The following CDH18 variants were observed in gnomAD, a reference collection of about 807,000 sequenced individuals.
The protein encoded by CDH18 is cadherin-18.
In CDH18, 31 loss-of-function variants were observed where a neutral mutation model predicts 67.9. The observed-to-expected ratio is 0.46, with a 90% CI of 0.34 to 0.62. The LOEUF is 0.62. CDH18 is among the 20% of genes least tolerant of loss of function. The pLI, the probability that CDH18 is intolerant of heterozygous loss-of-function variation, is 0.01. For synonymous variants in CDH18, 362 were observed against 347.2 expected (o/e 1.04, Z -0.48); for missense variants, 890 against 975.5 (o/e 0.91, Z 1.17).
At chr5:19,951,841 T>A (rs1795821329) in intron 2 of CDH18, among the ~76,000 whole-genome samples, 1 of 152,124 alleles carries the variant, frequency 6.6e-6, no homozygotes, top group Non-Finnish European at 1.5e-5. Context: ...CAGATGGTTA[T>A]AAATATTTAG....
chr5:20,293,054 C>T (rs10052278), intron 1 of CDH18, among the ~76,000 whole-genome samples: 16,379 of 152,074 alleles, frequency 0.11, 1,259 homozygotes, highest in African/African-American at 0.21. Context: ...CGGTGGCTCA[C>T]GCCTGTAATC....
At chr5:20,142,292 A>T (rs977777532) in intron 2 of CDH18, among the ~76,000 whole-genome samples, 2 of 152,226 alleles carry the variant, frequency 1.3e-5, no homozygotes, top group South Asian at 2.1e-4. Flanking sequence ...CCAAAAAGCT[A>T]ATCCAGCCCA....
intron 5 of CDH18, among the ~76,000 whole-genome samples, chr5:19,645,672 G>C (rs1424277545): frequency 6.6e-6 from 1 of 152,122 alleles, no homozygotes; most frequent in Non-Finnish European, 1.5e-5. Context: ...TCTGGAATCA[G>C]TGCTGAATAA....
chr5:20,549,811 T>C (rs1051187461), intron 1 of CDH18, among the ~76,000 whole-genome samples: 6 of 152,130 alleles, frequency 3.9e-5, no homozygotes, highest in Admixed American at 3.9e-4. Context: ...GTAGGATCCA[T>C]GGGGACATAT....
intron 2 of CDH18, among the ~76,000 whole-genome samples, chr5:20,184,562 T>C (rs1370077944): frequency 6.6e-6 from 1 of 152,136 alleles, no homozygotes; most frequent in East Asian, 1.9e-4. Flanking sequence ...AGGTTATGTG[T>C]CTGGCTTGCT....
chr5:20,574,116 A>C (rs1176675569), intron 1 of CDH18, among the ~76,000 whole-genome samples: 3 of 151,558 alleles, frequency 2.0e-5, no homozygotes, highest in Non-Finnish European at 4.4e-5. Context: ...ATAGAATACC[A>C]AGGTAGCTGT....
intron 1 of CDH18, among the ~76,000 whole-genome samples, chr5:20,297,739 A>T (rs1246557057): frequency 6.6e-6 from 1 of 152,170 alleles, no homozygotes; most frequent in African/African-American, 2.4e-5. Context: ...AAGAAAAAAA[A>T]TTGTTAGGGC....
At chr5:19,592,528 A>T (rs967384187) in intron 6 of CDH18, among the ~76,000 whole-genome samples, 2 of 152,150 alleles carry the variant, frequency 1.3e-5, no homozygotes, top group Non-Finnish European at 2.9e-5. Flanking sequence ...TCAATGCTAT[A>T]CAAGGACATA....
At chr5:20,026,359 AAT>A (rs1738899395) in intron 2 of CDH18, among the ~76,000 whole-genome samples, 1 of 152,208 alleles carries the variant, frequency 6.6e-6, no homozygotes, top group African/African-American at 2.4e-5. Flanking sequence ...AAAAATAGAT[AAT>A]ATATTTCTCA....
intron 2 of CDH18, among the ~76,000 whole-genome samples, chr5:20,022,644 G>A (rs1370473516): frequency 6.6e-6 from 1 of 151,964 alleles, no homozygotes; most frequent in Non-Finnish European, 1.5e-5. Context: ...TTGTTAACTT[G>A]TAAAAATTTA....
intron 1 of CDH18, among the ~76,000 whole-genome samples, chr5:20,325,575 C>G (rs1486322550): frequency 6.6e-6 from 1 of 152,058 alleles, no homozygotes; most frequent in Non-Finnish European, 1.5e-5. Context: ...GATCTTTTCA[C>G]TATCATGTTT....
rs1271138399 is a variant in CDH18 at position 20,393,707 on chromosome 5, T to C, written c.-579-138202A>G. Among the ~76,000 whole-genome samples the C allele has an allele frequency of 2.6e-5, 4 of 151,968 alleles. No homozygotes were observed. The East Asian group carries it at 7.7e-4, about 29-fold the overall frequency. On this transcript the variant is annotated intron_variant, in intron 1 of 14. Coordinates refer to the CDH18 transcript ENST00000507958. ...TACAAAATCAATGTACACAAATCAG[T>C]AGCATTGCTATACACCAACAACAAT...
At chr5:19,537,722 C>A (rs969566773) in intron 9 of CDH18, among the ~76,000 whole-genome samples, 5 of 151,110 alleles carry the variant, frequency 3.3e-5, no homozygotes, top group African/African-American at 1.2e-4. Context: ...CAGTAATTTT[C>A]CATAATGCAA....
intron 2 of CDH18, among the ~76,000 whole-genome samples, chr5:20,171,622 T>C (rs954163612): frequency 6.6e-6 from 1 of 152,136 alleles, no homozygotes; most frequent in Non-Finnish European, 1.5e-5. Flanking sequence ...TTTAGTCCTT[T>C]TTCTGATGCA....
intron 1 of CDH18, among the ~76,000 whole-genome samples, chr5:20,474,835 C>A (rs1752327024): frequency 6.6e-6 from 1 of 152,150 alleles, no homozygotes; most frequent in Non-Finnish European, 1.5e-5. Context: ...AATGTGAATT[C>A]ATTTATTTGC....
intron 1 of CDH18, among the ~76,000 whole-genome samples, chr5:20,556,294 C>T (rs1222255364): frequency 6.6e-6 from 1 of 152,118 alleles, no homozygotes; most frequent in African/African-American, 2.4e-5. Flanking sequence ...AAAAGGCCTT[C>T]CATTTACAAA....
intron 11 of CDH18, among the ~76,000 whole-genome samples, chr5:19,500,935 A>G (rs1288973043): frequency 6.6e-6 from 1 of 151,896 alleles, no homozygotes; most frequent in Admixed American, 6.6e-5. Flanking sequence ...GTTTGAGACC[A>G]ACCTGGCCAA....
At chr5:19,704,048 G>C (rs989039565) in intron 5 of CDH18, among the ~76,000 whole-genome samples, 1 of 152,174 alleles carries the variant, frequency 6.6e-6, no homozygotes, top group Non-Finnish European at 1.5e-5. Context: ...GTATAGCACA[G>C]CTCCTGATTG....
At chr5:20,386,346 T>C (rs1206406561) in intron 1 of CDH18, among the ~76,000 whole-genome samples, 1 of 152,190 alleles carries the variant, frequency 6.6e-6, no homozygotes, top group African/African-American at 2.4e-5. Flanking sequence ...GACTCTAAAA[T>C]GTGAGCATGT....
Sources: gnomAD v4.1 joint callset for allele counts (sites outside exome capture counted in the v4.1 genomes callset) on GRCh38, gnomAD v4.1.1 for gene constraint, MANE v1.5 for transcripts, NCBI Gene and HGNC (gene_info 2026-07-23, HGNC 2026-07-21) for gene names.